The following MRPS6 variants were observed in gnomAD, a reference collection of about 807,000 sequenced individuals.
MRPS6 encodes the protein small ribosomal subunit protein bS6m.
MRPS6 carries 6 observed loss-of-function variants against 13.1 expected under a neutral mutation model. The observed-to-expected ratio is 0.46, with a 90% CI of 0.25 to 0.91. The LOEUF is 0.91. Among genes scored for constraint, MRPS6 ranks in the 40% least tolerant of loss-of-function variants. The pLI is 0.18. For missense variants in MRPS6, 164 were observed against 155.6 expected, an observed-to-expected ratio of 1.05 and a Z score of -0.29; for synonymous variants, 61 against 56.5, an observed-to-expected ratio of 1.08 and a Z score of -0.36.
chr21:34,142,428 A>G lies in MRPS6; in HGVS notation c.206A>G (p.Tyr69Cys), dbSNP rs1272630663. 1.3e-6 allele frequency: 2 copies of G among 1,574,480 alleles called. No individual in the cohort carries two copies. The highest frequency in any genetic ancestry group is 2.7e-5 in the African/African-American group (2 of 72,856). ...TGCAGGTATTTCTTGGTGGATTTTT[A>G]TGCACCCACCGCAGCTGTTGAAAGC... is the stretch of plus-strand genomic sequence containing the variant. Reference protein sequence around the residue: ...NRGGYFLVDFYAPTAAVESMV... With the variant: ...NRGGYFLVDFCAPTAAVESMV... The change falls in exon 3 of 3, where the codon TAT becomes TGT. Residue 69 changes from tyrosine to cysteine, a missense_variant. Transcript: ENST00000399312.
intron 2 of MRPS6, among the ~76,000 whole-genome samples, chr21:34,131,164 TTAAG>T (rs1980487857): frequency 6.6e-6 from 1 of 152,206 alleles, no homozygotes. Flanking sequence ...AGAGCTTTTG[TTAAG>T]TAAGAATGTC....
chr21:34,099,515 A>T (rs1028190131), intron 1 of MRPS6: 13 of 999,362 alleles, frequency 1.3e-5, no homozygotes, highest in African/African-American at 1.7e-5. Context: ...TTTGAACCAC[A>T]TTACTGTGTA....
chr21:34,135,924 CT>C (rs755881576), intron 2 of MRPS6: 3 of 458,602 alleles, frequency 6.5e-6, no homozygotes, highest in Non-Finnish European at 1.2e-5. Flanking sequence ...CATACTTCTC[CT>C]TCACTGCAAT....
chr21:34,096,000 C>T (rs752484558), intron 1 of MRPS6: 1 of 1,614,138 alleles, frequency 6.2e-7, no homozygotes, highest in Non-Finnish European at 8.5e-7. Context: ...CATTCTTGGG[C>T]AGACCCCAGC....
chr21:34,107,640 G>A (rs769091169), intron 1 of MRPS6, among the ~76,000 whole-genome samples: 28 of 152,210 alleles, frequency 1.8e-4, no homozygotes, highest in Non-Finnish European at 3.1e-4. Flanking sequence ...TGATGGGGAG[G>A]ATACTGTACT....
intron 1 of MRPS6, among the ~76,000 whole-genome samples, chr21:34,080,105 G>A (rs1422975558): frequency 2.6e-5 from 4 of 152,132 alleles, no homozygotes; most frequent in African/African-American, 9.7e-5. Context: ...ACTACTGAGG[G>A]GAGGATAGCT....
chr21:34,114,378 A>C (rs1979821282), intron 1 of MRPS6, among the ~76,000 whole-genome samples: 1 of 152,154 alleles, frequency 6.6e-6, no homozygotes, highest in Non-Finnish European at 1.5e-5. Context: ...TCATTGCTTA[A>C]AATCTTTTAC....
intron 1 of MRPS6, among the ~76,000 whole-genome samples, chr21:34,083,707 A>G (rs1989508599): frequency 1.3e-5 from 2 of 152,216 alleles, no homozygotes; most frequent in South Asian, 2.1e-4. Flanking sequence ...TAGGCAGCCT[A>G]AGTCTCGCAG....
chr21:34,080,909 T>C lies in MRPS6; in HGVS notation c.45+7164T>C, dbSNP rs547249489. 6.6e-5 allele frequency among the ~76,000 whole-genome samples: 10 copies of C among 152,358 alleles called. No homozygotes were observed. In the South Asian group the frequency reaches 1.9e-3, roughly 28 times the overall value. ...TGCACTTCGCTCACGCTGGGTGAGT[T>C]GTATGTTACCAGAAGTTGTGTTGAT... On this transcript the variant is annotated intron_variant, in intron 1 of 2. Coordinates refer to ENST00000399312, the MANE Select transcript of MRPS6 (RefSeq NM_032476.4).
At chr21:34,077,406 G>C (rs1471800328) in intron 1 of MRPS6, among the ~76,000 whole-genome samples, 1 of 152,212 alleles carries the variant, frequency 6.6e-6, no homozygotes, top group African/African-American at 2.4e-5. Context: ...CCTTTTCCCA[G>C]AAGGTGTTCA....
chr21:34,098,968 T>C (rs1309404452), intron 1 of MRPS6: 9 of 985,706 alleles, frequency 9.1e-6, no homozygotes, highest in South Asian at 4.8e-5. Context: ...ATAAATACTT[T>C]TGTAGATTTT....
chr21:34,135,015 T>C (rs1602967253), intron 2 of MRPS6, among the ~76,000 whole-genome samples: 1 of 152,358 alleles, frequency 6.6e-6, no homozygotes, highest in Middle Eastern at 3.4e-3. Flanking sequence ...CATCTTTTTT[T>C]TTAGACTTAC....
intron 2 of MRPS6, among the ~76,000 whole-genome samples, chr21:34,130,598 G>A (rs7277722): frequency 5.9e-5 from 9 of 152,168 alleles, no homozygotes; most frequent in African/African-American, 2.2e-4. Flanking sequence ...AGAGAGTTTT[G>A]TAGCATGTGA....
At chr21:34,124,626 CA>C (rs1980237950) in intron 1 of MRPS6, 1 of 151,658 alleles carries the variant, frequency 6.6e-6, no homozygotes, top group South Asian at 2.1e-4. Flanking sequence ...CTGGTTCATT[CA>C]TTCTTTGTAC....
At chr21:34,101,191 G>A in intron 1 of MRPS6, 1 of 1,000,082 alleles carries the variant, frequency 1.0e-6, no homozygotes, top group Non-Finnish European at 1.2e-6. Flanking sequence ...GTTGGTAAAA[G>A]ACAACAAATA....
At chr21:34,085,854 G>A (rs1018798543) in intron 1 of MRPS6, among the ~76,000 whole-genome samples, 5 of 152,032 alleles carry the variant, frequency 3.3e-5, no homozygotes, top group African/African-American at 1.2e-4. Context: ...CACCCGCCTC[G>A]GCCTCCCAAA....
At chr21:34,111,210 T>C (rs985301682) in intron 1 of MRPS6, among the ~76,000 whole-genome samples, 7 of 152,216 alleles carry the variant, frequency 4.6e-5, no homozygotes, top group African/African-American at 1.7e-4. Flanking sequence ...CAAATAAATT[T>C]TAGCAAGTAG....
intron 1 of MRPS6, among the ~76,000 whole-genome samples, chr21:34,107,797 G>T (rs1979540068): frequency 6.6e-6 from 1 of 152,132 alleles, no homozygotes; most frequent in Non-Finnish European, 1.5e-5. Context: ...TTTGTCCTTT[G>T]TGACGTTTCC....
intron 1 of MRPS6, chr21:34,122,983 C>T (rs990847878): frequency 6.6e-6 from 1 of 152,098 alleles, no homozygotes; most frequent in Admixed American, 6.5e-5. Context: ...GATAAATTGC[C>T]TTAGACTTTT....
Sources: allele counts gnomAD v4.1 joint callset (sites outside exome capture counted in the v4.1 genomes callset), GRCh38; gene constraint gnomAD v4.1.1; transcripts MANE v1.5; gene names NCBI Gene and HGNC (gene_info 2026-07-23, HGNC 2026-07-21).